Variants in CEP295 observed in about 807,000 individuals in gnomAD.
CEP295 encodes centrosomal protein 295, also known as centrosomal protein of 295 kDa.
In CEP295, 190 loss-of-function variants were observed where a neutral mutation model predicts 291.6. That is an observed-to-expected ratio of 0.65 (90% CI 0.58 to 0.73). The LOEUF is 0.73. Ranked by LOEUF, CEP295 falls within the 30% of genes least tolerant of loss-of-function variation. The pLI, the probability that CEP295 is intolerant of heterozygous loss-of-function variation, is 0.00. For missense variants in CEP295, 2,863 were observed against 2,949.4 expected, an observed-to-expected ratio of 0.97 and a Z score of 0.68; for synonymous variants, 993 against 1,038.8, an observed-to-expected ratio of 0.96 and a Z score of 0.85.
At chr11:93,683,856 GCCCC>G in intron 8 of CEP295, 104 bp from the exon 9 acceptor site, 1 of 1,411,268 alleles carries the variant, frequency 7.1e-7, no homozygotes, top group Non-Finnish European at 9.5e-7. Context: ...TTTGAAGGAG[GCCCC>G]CCATATTTTA....
rs1014229712 is a variant in CEP295, at chr11:93,697,405, T to C, written c.2493T>C (p.Asp831=). The change falls in exon 15 of 30, where the codon GAT becomes GAC. Residue 831 remains aspartate, a synonymous_variant. Coordinates refer to ENST00000325212, the MANE Select transcript of CEP295 (RefSeq NM_033395.2). The part of the protein sequence containing the change: ...TSHSIISQMH[D]RPLLPSENIT... ...ATTCTATAATCAGCCAAATGCATGA[T>C]AGGCCTTTGCTGCCGTCAGAGAATA... 2.6e-6 allele frequency: 4 copies of C among 1,552,068 alleles called. No individual in the cohort carries two copies. The highest frequency in any genetic ancestry group is 2.6e-6 in the Non-Finnish European group (3 of 1,147,098).
At chr11:93,678,975 G>C (rs1483229108) in intron 6 of CEP295, among the ~76,000 whole-genome samples, 1 of 152,088 alleles carries the variant, frequency 6.6e-6, no homozygotes, top group Non-Finnish European at 1.5e-5. Context: ...TCCTGTCTCA[G>C]CCTCACGAGT....
intron 7 of CEP295, 124 bp from the exon 8 acceptor site, chr11:93,683,435 A>G (rs1951070835): frequency 4.5e-6 from 3 of 667,364 alleles, no homozygotes; most frequent in Non-Finnish European, 7.3e-6. Flanking sequence ...TTTTGGCTGA[A>G]CAAATAATAG....
At position 93,683,627 on chromosome 11, in the gene CEP295, T is replaced by C. The variant is rs1196553419; in HGVS notation, c.834T>C (p.Thr278=). The C allele has an allele frequency of 3.9e-6, 6 of 1,549,904 alleles. No individual in the cohort carries two copies. The East Asian group carries it at 1.2e-4, about 32-fold the overall frequency. Reference sequence around the variant, plus strand: ...AGGACCTGGCACGTAGGAGACAGACTGTAGCACAAATGCCACCACAACTAG... The same window carrying C: ...AGGACCTGGCACGTAGGAGACAGACCGTAGCACAAATGCCACCACAACTAG... ...QQEDLARRRQ[T]VAQMPPQLVE... is the part of the protein sequence containing the mutation. Residue 278 remains threonine, a synonymous_variant, in exon 8 of 30, where the codon ACT becomes ACC. Coordinates refer to ENST00000325212, the MANE Select transcript of CEP295 (RefSeq NM_033395.2).
chr11:93,672,853 G>T (rs552982972), intron 5 of CEP295, among the ~76,000 whole-genome samples: 1 of 152,040 alleles, frequency 6.6e-6, no homozygotes, highest in Non-Finnish European at 1.5e-5. Flanking sequence ...AGGATTCATA[G>T]TAATCAAAAT....
At chr11:93,677,991 A>G (rs770003877) in intron 6 of CEP295, among the ~76,000 whole-genome samples, 3 of 152,150 alleles carry the variant, frequency 2.0e-5, no homozygotes, top group Non-Finnish European at 4.4e-5. Context: ...AGTATGATCA[A>G]TAAGAACAAA....
intron 22 of CEP295, 105 bp downstream of exon 22, chr11:93,724,480 T>G: frequency 8.6e-7 from 1 of 1,168,212 alleles, no homozygotes; most frequent in Non-Finnish European, 1.2e-6. Context: ...TAGAATCACA[T>G]GGAAGTCTGG....
At position 93,666,753 on chromosome 11, in the gene CEP295, A is replaced by C. The variant is rs1307772039; in HGVS notation, c.46A>C (p.Asn16His). 1 of 1,548,934 alleles carries C rather than the reference A, an allele frequency of 6.5e-7. No individual in the cohort carries two copies. The highest frequency in any genetic ancestry group is 8.7e-7 in the Non-Finnish European group (1 of 1,144,970). The change falls in exon 2 of 30, where the codon AAT becomes CAT. Residue 16 changes from asparagine to histidine, a missense_variant. Asn to His is a moderately conservative substitution (Grantham distance 68, BLOSUM62 1). Coordinates refer to ENST00000325212, the MANE Select transcript of CEP295 (RefSeq NM_033395.2). ...TACTCACAAGCTGAGATTGAGTCCT[A>C]ATGAGGAAGCCTTCATTTTGAAGGA... Reference protein sequence around the residue: ...VNTHKLRLSPNEEAFILKEDY... With the variant: ...VNTHKLRLSPHEEAFILKEDY...
chr11:93,663,613 A>T (rs958838965), intron 1 of CEP295, among the ~76,000 whole-genome samples: 2 of 152,216 alleles, frequency 1.3e-5, no homozygotes, highest in African/African-American at 4.8e-5. Context: ...GGTTATGTAC[A>T]AGACGTTGAC....
chr11:93,668,460 C>T (rs1426859113), intron 3 of CEP295, among the ~76,000 whole-genome samples: 1 of 152,122 alleles, frequency 6.6e-6, no homozygotes, highest in African/African-American at 2.4e-5. Flanking sequence ...TGCAATGTTT[C>T]CCAAACCTCT....
intron 18 of CEP295, among the ~76,000 whole-genome samples, chr11:93,709,911 G>A (rs181775849): frequency 6.8e-4 from 104 of 152,198 alleles, no homozygotes; most frequent in African/African-American, 2.3e-3. Flanking sequence ...TGTTGTAAAT[G>A]GGATTACTTT....
rs1226233829 is a variant in CEP295, at chr11:93,699,648, A to C, written c.4736A>C (p.His1579Pro). ...TKSNDTLPSS[H>P]REIPRLQDRL... Reference sequence around the variant, plus strand: ...AGTAATGATACTCTTCCCTCAAGTCATCGTGAGATTCCAAGATTACAGGAT... The same window carrying C: ...AGTAATGATACTCTTCCCTCAAGTCCTCGTGAGATTCCAAGATTACAGGAT... The change falls in exon 15 of 30, where the codon CAT becomes CCT. Residue 1579 changes from histidine to proline, a missense_variant. Transcript: ENST00000325212. 7 of 1,551,552 alleles carry C rather than the reference A, an allele frequency of 4.5e-6. 1 individual carries two copies. The South Asian group carries it at 7.1e-5, about 16-fold the overall frequency.
chr11:93,669,797 G>T (rs1212607322), intron 5 of CEP295, 27 bp downstream of exon 5: 4 of 1,388,624 alleles, frequency 2.9e-6, no homozygotes, highest in Non-Finnish European at 4.0e-6. Context: ...AGAGGAACTA[G>T]GTCATAATTC....
At chr11:93,675,028 A>T (rs551288446) in intron 5 of CEP295, among the ~76,000 whole-genome samples, 2 of 152,306 alleles carry the variant, frequency 1.3e-5, no homozygotes, top group East Asian at 3.9e-4. Context: ...GGGAAGGGGG[A>T]AGGTAGTTTA....
intron 6 of CEP295, among the ~76,000 whole-genome samples, chr11:93,678,916 GCA>G (rs1950829106): frequency 6.6e-6 from 1 of 152,140 alleles, no homozygotes; most frequent in Non-Finnish European, 1.5e-5. Context: ...GAGTGCAGTG[GCA>G]CAGTCTTAGT....
At chr11:93,669,968 C>G (rs952063089) in intron 5 of CEP295, among the ~76,000 whole-genome samples, 198 bp downstream of exon 5, 1 of 152,024 alleles carries the variant, frequency 6.6e-6, no homozygotes, top group African/African-American at 2.4e-5. Flanking sequence ...GTATGTATCT[C>G]TGATGTATAA....
intron 18 of CEP295, among the ~76,000 whole-genome samples, chr11:93,719,363 G>A (rs1307203994): frequency 6.6e-6 from 1 of 151,710 alleles, no homozygotes; most frequent in African/African-American, 2.4e-5. Context: ...AAAATCCTGG[G>A]CTCAAACCAT....
intron 18 of CEP295, among the ~76,000 whole-genome samples, chr11:93,717,030 G>C (rs943650477): frequency 2.6e-5 from 4 of 152,182 alleles, no homozygotes; most frequent in Non-Finnish European, 5.9e-5. Context: ...AGGAGTGCTG[G>C]GAGAGTCTAC....
chr11:93,681,895 C>G (rs967512080), intron 7 of CEP295, among the ~76,000 whole-genome samples: 1 of 151,714 alleles, frequency 6.6e-6, no homozygotes, highest in Non-Finnish European at 1.5e-5. Flanking sequence ...CACACCTCTC[C>G]TGATCATCTG....
Sources: allele counts gnomAD v4.1 joint callset (sites outside exome capture counted in the v4.1 genomes callset), GRCh38; gene constraint gnomAD v4.1.1; transcripts MANE v1.5; gene names NCBI Gene and HGNC (gene_info 2026-07-23, HGNC 2026-07-21).